The following DOCK3 variants were observed in gnomAD, a reference collection of about 807,000 sequenced individuals.
DOCK3 encodes dedicator of cytokinesis 3.
In DOCK3, 60 loss-of-function variants were observed where a neutral mutation model predicts 265.6. That is an observed-to-expected ratio of 0.23 (90% CI 0.18 to 0.28). The LOEUF (loss-of-function observed/expected upper bound fraction) is 0.28, where lower values mean the gene tolerates loss of function less well. Among genes scored for constraint, DOCK3 ranks in the 10% least tolerant of loss-of-function variants. The pLI is 1.00. For synonymous variants in DOCK3, 881 were observed against 938.0 expected (o/e 0.94, Z 1.11); for missense variants, 1,981 against 2,594.3 (o/e 0.76, Z 5.14).
intron 3 of DOCK3, among the ~76,000 whole-genome samples, chr3:50,869,938 C>A (rs977935763): frequency 6.6e-6 from 1 of 151,956 alleles, no homozygotes; most frequent in African/African-American, 2.4e-5. Context: ...TTCAACAAGT[C>A]TTTTTGTTAT....
chr3:51,098,609 G>T (rs1292821747), intron 9 of DOCK3, among the ~76,000 whole-genome samples: 2 of 152,186 alleles, frequency 1.3e-5, no homozygotes, highest in Admixed American at 1.3e-4. Context: ...TGCAAAAGAG[G>T]TTATGTATGT....
chr3:50,800,919 T>C (rs2043035205), intron 2 of DOCK3, among the ~76,000 whole-genome samples: 1 of 152,198 alleles, frequency 6.6e-6, no homozygotes, highest in African/African-American at 2.4e-5. Context: ...CTTCCATCCA[T>C]TGGTCATTCA....
rs114488225 is a variant in DOCK3, at chr3:50,798,249, G to A, written c.121+19491G>A. Among the ~76,000 whole-genome samples the A allele has an allele frequency of 7.1e-3, 1,081 of 152,296 alleles. 5 individuals carry two copies. The highest frequency in any genetic ancestry group is 0.025 in the African/African-American group (1,033 of 41,546). ...ACTTCACAGAGAAAAAGAGCAAAAT[G>A]TAGAGAAAAACCAGGTCTCGCTATG... On this transcript the variant is annotated intron_variant, in intron 2 of 52. Transcript: ENST00000266037.
chr3:51,130,102 A>G (rs557596096), intron 9 of DOCK3, among the ~76,000 whole-genome samples: 1 of 152,342 alleles, frequency 6.6e-6, no homozygotes, highest in Non-Finnish European at 1.5e-5. Flanking sequence ...GACTCCTAGA[A>G]ATTTTACTGA....
intron 4 of DOCK3, among the ~76,000 whole-genome samples, chr3:50,905,898 T>G (rs1575495356): frequency 6.6e-6 from 1 of 152,140 alleles, no homozygotes; most frequent in South Asian, 2.1e-4. Context: ...TGGCTGTGGG[T>G]TTGTCATAAA....
chr3:50,935,637 G>A (rs1335701911), intron 5 of DOCK3, among the ~76,000 whole-genome samples: 1 of 152,182 alleles, frequency 6.6e-6, no homozygotes, highest in Non-Finnish European at 1.5e-5. Context: ...CAGACCCTGT[G>A]GGATAGTACC....
At chr3:51,065,195 ATAAT>A (rs770630407) in intron 6 of DOCK3, among the ~76,000 whole-genome samples, 8 of 152,208 alleles carry the variant, frequency 5.3e-5, no homozygotes, top group Non-Finnish European at 1.0e-4. Context: ...AATTGATATA[ATAAT>A]TAATATAACT....
At chr3:50,786,246 T>C (rs910911107) in intron 2 of DOCK3, among the ~76,000 whole-genome samples, 1 of 152,212 alleles carries the variant, frequency 6.6e-6, no homozygotes, top group Non-Finnish European at 1.5e-5. Flanking sequence ...TCTTTTCTTT[T>C]TTTCTTTAAT....
intron 40 of DOCK3, 97 bp downstream of exon 40, chr3:51,350,489 A>T (rs1453893413): frequency 7.5e-7 from 1 of 1,330,132 alleles, no homozygotes; most frequent in Non-Finnish European, 1.1e-6. Context: ...TTTTCTACTG[A>T]ATACTTCTTT....
chr3:50,996,860 C>G (rs2078305579), intron 5 of DOCK3, among the ~76,000 whole-genome samples: 2 of 152,182 alleles, frequency 1.3e-5, no homozygotes, highest in Admixed American at 1.3e-4. Flanking sequence ...GAGCCAATCC[C>G]TCGCTCTGTC....
At chr3:50,741,578 T>A (rs2039030172) in intron 1 of DOCK3, among the ~76,000 whole-genome samples, 1 of 151,308 alleles carries the variant, frequency 6.6e-6, no homozygotes, top group Non-Finnish European at 1.5e-5. Context: ...TCCAGTTTCA[T>A]CCATGTCCCT....
intron 2 of DOCK3, among the ~76,000 whole-genome samples, chr3:50,781,616 T>C (rs535517311): frequency 6.6e-6 from 1 of 152,156 alleles, no homozygotes; most frequent in Admixed American, 6.5e-5. Context: ...ATTTGAAATA[T>C]TTATTTATTT....
intron 5 of DOCK3, among the ~76,000 whole-genome samples, chr3:50,935,947 A>T (rs1332164576): frequency 2.6e-5 from 4 of 152,248 alleles, no homozygotes; most frequent in Non-Finnish European, 4.4e-5. Context: ...ATGAAAAATC[A>T]GGAAAATAGA....
chr3:51,291,195 A>T (rs1028350316), intron 27 of DOCK3, among the ~76,000 whole-genome samples: 1 of 152,220 alleles, frequency 6.6e-6, no homozygotes, highest in Non-Finnish European at 1.5e-5. Flanking sequence ...GCCTACATCA[A>T]ATAAGAAGCA....
chr3:50,760,503 T>C (rs2040458128), intron 1 of DOCK3, among the ~76,000 whole-genome samples: 1 of 152,204 alleles, frequency 6.6e-6, no homozygotes. Context: ...CTAAATTATA[T>C]GAGGCATTGA....
At chr3:51,149,590 G>A (rs1336633986) in intron 10 of DOCK3, among the ~76,000 whole-genome samples, 1 of 152,170 alleles carries the variant, frequency 6.6e-6, no homozygotes, top group Non-Finnish European at 1.5e-5. Flanking sequence ...TGCATCTATT[G>A]AGATAATCAT....
intron 5 of DOCK3, among the ~76,000 whole-genome samples, chr3:51,043,247 A>G (rs2080612133): frequency 6.6e-6 from 1 of 152,208 alleles, no homozygotes; most frequent in South Asian, 2.1e-4. Flanking sequence ...CACACAGACC[A>G]ATGGAACAGA....
chr3:51,103,559 AT>A (rs2083163046), intron 9 of DOCK3, among the ~76,000 whole-genome samples: 2 of 152,246 alleles, frequency 1.3e-5, no homozygotes, highest in African/African-American at 4.8e-5. Flanking sequence ...TACTTAAGCC[AT>A]GTGCAATAGT....
chr3:50,859,749 G>A (rs2046812882), intron 3 of DOCK3, among the ~76,000 whole-genome samples: 1 of 152,126 alleles, frequency 6.6e-6, no homozygotes, highest in Non-Finnish European at 1.5e-5. Flanking sequence ...TGGTGTTGAA[G>A]TTTTGGGATA....
Sources: gnomAD v4.1 joint callset for allele counts (sites outside exome capture counted in the v4.1 genomes callset) on GRCh38, gnomAD v4.1.1 for gene constraint, MANE v1.5 for transcripts, NCBI Gene and HGNC (gene_info 2026-07-23, HGNC 2026-07-21) for gene names.